Variants in RNH1 observed in about 807,000 individuals in gnomAD.
The protein encoded by RNH1 is ribonuclease/angiogenin inhibitor 1.
In RNH1, 38 loss-of-function variants were observed where a neutral mutation model predicts 46.1. That is an observed-to-expected ratio of 0.82 (90% CI 0.64 to 1.08). The LOEUF (loss-of-function observed/expected upper bound fraction) is 1.08. Among genes scored for constraint, RNH1 ranks in the 50% least tolerant of loss-of-function variants. The probability of loss-of-function intolerance (pLI) is 0.00; values close to 1 mark genes in which losing one functional copy is unlikely to be tolerated. For synonymous variants in RNH1, 319 were observed against 279.1 expected, an observed-to-expected ratio of 1.14 and a Z score of -1.43; for missense variants, 577 against 590.7, an observed-to-expected ratio of 0.98 and a Z score of 0.24.
In RNH1 at chr11:494,520, AG is replaced by A. The variant is rs1848858697; in HGVS notation, c.*170del. 1 of 657,718 alleles carries A rather than the reference AG, an allele frequency of 1.5e-6. No individual in the cohort carries two copies. Among genetic ancestry groups the A allele is most frequent in the African/African-American group, 1.8e-5 (1 of 55,112 alleles). The allele number at this position is 657,718 out of a possible 1,614,324, so 40.7% of individuals were successfully genotyped here. ...GGAAGGACAAGAGCCTCTCCTGCCA[AG>A]AAAGTGCTTTAATGATTATAAAGTG... On this transcript the variant is annotated 3_prime_UTR_variant, in exon 11 of 11. Coordinates refer to ENST00000354420, the MANE Select transcript of RNH1 (RefSeq NM_203387.3).
rs145322972 is a variant in RNH1, at chr11:499,844, C to T, written c.428G>A (p.Arg143His). ...ACAAACTCACTGCAGCTTTTCCAGGCGGCACTGGGGGTCCAGGAGTCCTTC... is the reference window on the plus strand; with the variant it reads ...ACAAACTCACTGCAGCTTTTCCAGGTGGCACTGGGGGTCCAGGAGTCCTTC... ...LCEGLLDPQCRLEKLQLEYCS... is the reference protein window; with the variant it reads ...LCEGLLDPQCHLEKLQLEYCS... The change falls in exon 5 of 11, where the codon CGC becomes CAC. Residue 143 changes from arginine (R) to histidine (H), a missense_variant. Coordinates refer to ENST00000354420, the MANE Select transcript of RNH1 (RefSeq NM_203387.3). 544 of 1,607,986 alleles carry T rather than the reference C, an allele frequency of 3.4e-4. 1 individual carries two copies. Among genetic ancestry groups the T allele is most frequent in the Non-Finnish European group, 2.9e-4 (346 of 1,176,920 alleles).
rs778063496 is a variant in RNH1, at chr11:498,877, G to A, written c.671C>T (p.Ala224Val). ...DNCRDLCGIV[A>V]SKASLRELAL... ...CAGCTCCCGCAGCGAGGCCTTGGAG[G>A]CCACAATGCCGCACAGGTCCCGGCA... is the stretch of plus-strand genomic sequence containing the variant. The change falls in exon 7 of 11, where the codon GCC (alanine) becomes GTC (valine). Residue 224 changes from alanine (A) to valine (V), a missense_variant. Physicochemically the swap from Ala to Val is moderately conservative, Grantham distance 64. Transcript: ENST00000354420. The A allele has an allele frequency of 2.0e-5, 32 of 1,612,390 alleles. No homozygotes were observed. Among genetic ancestry groups the A allele is most frequent in the African/African-American group, 2.7e-5 (2 of 74,936 alleles).
rs923282852 is a variant in RNH1, at chr11:498,598, C to T, written c.815G>A (p.Gly272Asp). The T allele has an allele frequency of 8.1e-6, 13 of 1,612,800 alleles. No individual in the cohort carries two copies. The highest frequency in any genetic ancestry group is 1.1e-5 in the Non-Finnish European group (13 of 1,180,024). The part of the protein sequence containing the change: ...WIWECGITAK[G>D]CGDLCRVLRA... ...GAGGACACGGCACAGATCCCCGCAG[C>T]CCTTGGCAGTGATGCCACACTCCCA... The change falls in exon 8 of 11, where the codon GGC becomes GAC. Residue 272 changes from glycine (G) to aspartate (D), a missense_variant. Transcript: ENST00000354420.
At chr11:500,844 C>A in intron 3 of RNH1, 190 bp from the exon 4 acceptor site, 2 of 749,104 alleles carry the variant, frequency 2.7e-6, no homozygotes, top group East Asian at 5.4e-5. Context: ...GATGCTCGCA[C>A]GTGGCCAGGC....
chr11:496,525 C>G (rs1849073807), intron 9 of RNH1, among the ~76,000 whole-genome samples: 1 of 152,130 alleles, frequency 6.6e-6, no homozygotes, highest in African/African-American at 2.4e-5. Context: ...AAAAATTAGC[C>G]TGGTGTGGTG....
In RNH1 at chr11:501,904, A is replaced by T; in HGVS notation, c.101+158T>A. 1 of 609,958 alleles carries T rather than the reference A, an allele frequency of 1.6e-6. No homozygotes were observed. The highest frequency in any genetic ancestry group is 2.8e-5 in the East Asian group (1 of 36,234). 37.8% of individuals were successfully genotyped at this position (609,958 alleles called of 1,614,324 possible). A position where few individuals can be genotyped will look rare whatever the true frequency, so the allele number is the denominator to read the frequency against. On this transcript the variant is annotated intron_variant, in intron 3 of 10. Coordinates refer to ENST00000354420, the MANE Select transcript of RNH1 (RefSeq NM_203387.3). The surrounding 1 kb of genome is among the most constrained non-coding windows in gnomAD (Gnocchi z 4.1). Reference sequence around the variant, plus strand: ...TTTACATTCCTAAATTGTCAAAAAGAAACACAAGAATCACATCTCATGCAC... The same window carrying T: ...TTTACATTCCTAAATTGTCAAAAAGTAACACAAGAATCACATCTCATGCAC...
At position 497,958 on chromosome 11, in the gene RNH1, C is replaced by T. The variant is rs556843557; in HGVS notation, c.1127+13G>A. 4.3e-6 allele frequency: 7 copies of T among 1,610,634 alleles called. No homozygotes were observed. The East Asian group carries it at 1.3e-4, about 31-fold the overall frequency. ...CTCCCAAATGTGCATACTCGTGTCC[C>T]TCACACACTCACCAGAGCACCCGCA... On this transcript the variant is annotated intron_variant, in intron 9 of 10. Transcript: ENST00000354420.
In RNH1 at chr11:499,197, C is replaced by T; in HGVS notation, c.444-12G>A. 1 of 1,610,564 alleles carries T rather than the reference C, an allele frequency of 6.2e-7. No individual in the cohort carries two copies. Among genetic ancestry groups the T allele is most frequent in the Non-Finnish European group, 8.5e-7 (1 of 1,179,902 alleles). ...TGCAATACTCCAGCCTGGGGGACAG[C>T]AGAGCTCAGCACCACACAGGAATGT... On this transcript the variant is annotated splice_polypyrimidine_tract_variant and intron_variant, in intron 5 of 10. Coordinates refer to ENST00000354420, the MANE Select transcript of RNH1 (RefSeq NM_203387.3).
rs147743706 is a variant in RNH1, at chr11:500,114, C to G, written c.273-115G>C. On this transcript the variant is annotated intron_variant, in intron 4 of 10. Transcript: ENST00000354420. ...TTCAGGCGGCAGGTCTATACCTGCT[C>G]CTTCCCTGGACGGGGCTCTGGGGTC... 58 of 1,232,146 alleles carry G rather than the reference C, an allele frequency of 4.7e-5. 1 individual carries two copies. In the East Asian group the frequency reaches 1.5e-3, roughly 32 times the overall value. 76.3% of individuals were successfully genotyped at this position (1,232,146 alleles called of 1,614,324 possible).
intron 9 of RNH1, among the ~76,000 whole-genome samples, chr11:496,193 T>A (rs61876342): frequency 1.3e-5 from 2 of 152,034 alleles, no homozygotes; most frequent in Non-Finnish European, 2.9e-5. Flanking sequence ...ATGGAACCCC[T>A]AACACAGTGA....
At chr11:499,251 G>A (rs1051121724) in intron 5 of RNH1, 66 bp from the exon 6 acceptor site, 4 of 1,559,210 alleles carry the variant, frequency 2.6e-6, no homozygotes, top group African/African-American at 2.7e-5. Flanking sequence ...ATACCAGGGA[G>A]CACGGGGTGT....
chr11:499,281 TCA>T, intron 5 of RNH1, 96 bp from the exon 6 acceptor site: 2 of 1,359,458 alleles, frequency 1.5e-6, no homozygotes, highest in East Asian at 2.4e-5. Context: ...TCATCTCCCC[TCA>T]GTCTTCTGCC....
In RNH1 at chr11:501,599, G is replaced by A; in HGVS notation, c.101+463C>T. 1.2e-5 allele frequency: 2 copies of A among 165,798 alleles called. No individual in the cohort carries two copies. The highest frequency in any genetic ancestry group is 2.6e-5 in the Non-Finnish European group (2 of 76,168). 10.3% of individuals were successfully genotyped at this position (165,798 alleles called of 1,614,324 possible). ...ACCTGACACTACTTGAAATCACCAG[G>A]TAAAAAGAGAAAAGATGCGGCCCAC... On this transcript the variant is annotated intron_variant, in intron 3 of 10. Transcript: ENST00000354420. The surrounding 1 kb of genome is among the most constrained non-coding windows in gnomAD (Gnocchi z 4.1).
chr11:504,096 G>A (rs1383867056), intron 2 of RNH1, among the ~76,000 whole-genome samples: 3 of 152,198 alleles, frequency 2.0e-5, no homozygotes, highest in Non-Finnish European at 2.9e-5. Flanking sequence ...TCAACCTTAC[G>A]GAGGGAGGTC....
At chr11:500,033 T>C in intron 4 of RNH1, 34 bp from the exon 5 acceptor site, 1 of 1,503,032 alleles carries the variant, frequency 6.7e-7, no homozygotes. Context: ...AGGGCTCCCC[T>C]GAGCCAAGCT....
chr11:499,131 G>C lies in RNH1; in HGVS notation c.498C>G (p.Leu166=), dbSNP rs780910792. The change falls in exon 6 of 11, where the codon CTC becomes CTG. Residue 166 remains leucine, a synonymous_variant. Coordinates refer to ENST00000354420, the MANE Select transcript of RNH1 (RefSeq NM_203387.3). ...GCTCCTTGAAGTCCGGCTTGGCCCT[G>C]AGCACGGAGGCCAGGGGCTCGCAGC... ...AASCEPLASV[L]RAKPDFKELT... The C allele has an allele frequency of 6.2e-7, 1 of 1,613,294 alleles. No homozygotes were observed. Among genetic ancestry groups the C allele is most frequent in the Non-Finnish European group, 8.5e-7 (1 of 1,179,940 alleles).
At chr11:500,753 A>C in intron 3 of RNH1, 99 bp from the exon 4 acceptor site, 1 of 1,240,198 alleles carries the variant, frequency 8.1e-7, no homozygotes, top group Non-Finnish European at 1.2e-6. Flanking sequence ...CAGTGGGCCC[A>C]GAAGACAGCA....
Position 500,562 on chromosome 11 carries a change from CT to C in RNH1, c.193del (p.Ser65AlafsTer26). On this transcript the variant is annotated frameshift_variant, in exon 4 of 11. Coordinates refer to ENST00000354420, the MANE Select transcript of RNH1 (RefSeq NM_203387.3). LOFTEE classifies it high-confidence loss of function. ...CACGCCGACATCGCCCAGCTCGTTG[CT>C]GCGCAGGTTGAGCTCTGCCAGTGCA... ...NPALAELNLR[S>X]NELGDVGVHC... The C allele has an allele frequency of 6.2e-7, 1 of 1,611,034 alleles. No individual in the cohort carries two copies. Among genetic ancestry groups the C allele is most frequent in the African/African-American group, 1.3e-5 (1 of 75,070 alleles).
Position 497,968 on chromosome 11 carries a change from C to T in RNH1, c.1127+3G>A. On this transcript the variant is annotated splice_donor_region_variant and intron_variant, in intron 9 of 10. Transcript: ENST00000354420. ...TGCATACTCGTGTCCCTCACACACTCACCAGAGCACCCGCAGCACAGAGCC... is the reference window on the plus strand; with the variant it reads ...TGCATACTCGTGTCCCTCACACACTTACCAGAGCACCCGCAGCACAGAGCC... The T allele has an allele frequency of 1.2e-6, 2 of 1,612,392 alleles. No homozygotes were observed. The highest frequency in any genetic ancestry group is 1.7e-6 in the Non-Finnish European group (2 of 1,179,150).
Sources: allele counts gnomAD v4.1 joint callset (sites outside exome capture counted in the v4.1 genomes callset), GRCh38; gene constraint gnomAD v4.1.1; non-coding constraint Gnocchi (gnomAD v3.1); transcripts MANE v1.5; gene names NCBI Gene and HGNC (gene_info 2026-07-23, HGNC 2026-07-21).